Variants in NPY4R2 observed in about 807,000 individuals in gnomAD.
The protein encoded by NPY4R2 is neuropeptide Y receptor Y4-2.
For synonymous variants in NPY4R2, 6 were observed against 115.2 expected (o/e 0.05, Z 6.07); for missense variants, 7 against 268.8 (o/e 0.03, Z 6.81).
upstream of NPY4R2, among the ~76,000 whole-genome samples, chr10:47,916,677 T>C (rs1483589026): frequency 1.2e-4 from 16 of 136,282 alleles, no homozygotes; most frequent in African/African-American, 3.3e-4. Flanking sequence ...AGCTGTTTGC[T>C]GCTTTTACCA....
upstream of NPY4R2, among the ~76,000 whole-genome samples, chr10:47,918,431 AAG>A (rs113496587): frequency 0.16 from 4,648 of 29,794 alleles, 904 homozygotes; most frequent in African/African-American, 0.2. Flanking sequence ...GAAAGAAAGA[AAG>A]AGAGAGAGAA....
upstream of NPY4R2, among the ~76,000 whole-genome samples, chr10:47,918,491 GAGAGACACACGC>G (rs757280542): frequency 5.2e-4 from 22 of 41,954 alleles, 1 homozygote; most frequent in Non-Finnish European, 9.3e-4. Flanking sequence ...AGGTGGGCGT[GAGAGACACACGC>G]AGGCAGGGCT....
At chr10:47,920,936 C>CA (rs1841731983) in intron 2 of NPY4R2, 43 bp downstream of exon 2, 1 of 104,180 alleles carries the variant, frequency 9.6e-6, no homozygotes, top group South Asian at 3.9e-4. Flanking sequence ...GCTTCCCATG[C>CA]AAAACATCCA....
At chr10:47,918,356 G>GGAGAGAGA (rs139901640), upstream of NPY4R2, among the ~76,000 whole-genome samples, 5 of 17,744 alleles carry the variant, frequency 2.8e-4, no homozygotes, top group African/African-American at 1.7e-3. Context: ...GGGGAGGGAG[G>GGAGAGAGA]GAGAGAGAGA....
At chr10:47,915,087 T>C (rs1841141130), upstream of NPY4R2, among the ~76,000 whole-genome samples, 1 of 152,142 alleles carries the variant, frequency 6.6e-6, no homozygotes, top group Non-Finnish European at 1.5e-5. Flanking sequence ...TTCCGGGAGC[T>C]AGCTATATGT....
At chr10:47,916,378 C>G (rs1841112960), upstream of NPY4R2, among the ~76,000 whole-genome samples, 1 of 128,958 alleles carries the variant, frequency 7.8e-6, no homozygotes, top group East Asian at 2.0e-4. Context: ...TCTCCTTTCC[C>G]TAGCAGAGGC....
chr10:47,916,571 TCA>T (rs1262371394), upstream of NPY4R2, among the ~76,000 whole-genome samples: 1 of 131,046 alleles, frequency 7.6e-6, no homozygotes, highest in African/African-American at 2.6e-5. Flanking sequence ...TCTTTGAGGC[TCA>T]GTTTTCTCGC....
At chr10:47,918,415 A>AAGAAAGAAAGAAAGAC (rs1841694640), upstream of NPY4R2, among the ~76,000 whole-genome samples, 4 of 32,020 alleles carry the variant, frequency 1.2e-4, 1 homozygote, top group African/African-American at 7.5e-4. Flanking sequence ...GAAAGAAAGA[A>AAGAAAGAAAGAAAGAC]AGAAAGAAAG....
intron 2 of NPY4R2, among the ~76,000 whole-genome samples, chr10:47,921,191 G>GT (rs1841740478): frequency 1.6e-5 from 2 of 129,014 alleles, no homozygotes; most frequent in African/African-American, 5.6e-5. Flanking sequence ...TGCACATGGT[G>GT]GGTAGTAGGA....
chr10:47,918,387 A>G (rs1436977321), upstream of NPY4R2, among the ~76,000 whole-genome samples: 49 of 13,278 alleles, frequency 3.7e-3, 2 homozygotes, highest in African/African-American at 0.027. Flanking sequence ...GAGAGAGAGA[A>G]AGAAAGAAAG....
upstream of NPY4R2, among the ~76,000 whole-genome samples, chr10:47,916,364 G>C (rs1589087657): frequency 7.7e-6 from 1 of 130,070 alleles, no homozygotes; most frequent in African/African-American, 2.6e-5. Flanking sequence ...TCCAGAGGGT[G>C]CTGTCTCCTT....
chr10:47,918,431 A>AG (rs1841697350), upstream of NPY4R2, among the ~76,000 whole-genome samples: 17 of 31,090 alleles, frequency 5.5e-4, no homozygotes, highest in East Asian at 6.4e-3. Context: ...GAAAGAAAGA[A>AG]AGAGAGAGAG....
At chr10:47,918,356 GGAGAGAGAGAGAGA>G (rs139901640), upstream of NPY4R2, among the ~76,000 whole-genome samples, 5 of 17,744 alleles carry the variant, frequency 2.8e-4, no homozygotes, top group African/African-American at 6.9e-4. Context: ...GGGGAGGGAG[GGAGAGAGAGAGAGA>G]GAGAGAGAGA....
At chr10:47,918,437 GA>G (rs1841015832), upstream of NPY4R2, among the ~76,000 whole-genome samples, 1 of 55,978 alleles carries the variant, frequency 1.8e-5, no homozygotes, top group Non-Finnish European at 3.9e-5. Flanking sequence ...AAGAAAGAGA[GA>G]GAGAAAGACA....
At chr10:47,915,041 C>G (rs1841644534), upstream of NPY4R2, among the ~76,000 whole-genome samples, 1 of 152,210 alleles carries the variant, frequency 6.6e-6, no homozygotes, top group South Asian at 2.1e-4. Context: ...TGTGGCTTCC[C>G]TCTGCTATAG....
intron 2 of NPY4R2, among the ~76,000 whole-genome samples, chr10:47,921,528 T>C (rs1438125857): frequency 1.3e-5 from 2 of 150,824 alleles, no homozygotes; most frequent in Non-Finnish European, 3.0e-5. Flanking sequence ...AACAGCCTCA[T>C]CCTGAGGCCG....
chr10:47,914,973 G>A (rs1490095569), upstream of NPY4R2, among the ~76,000 whole-genome samples: 1 of 152,290 alleles, frequency 6.6e-6, no homozygotes, highest in African/African-American at 2.4e-5. Flanking sequence ...AATGTGTGAG[G>A]ATCTTTGGTT....
upstream of NPY4R2, among the ~76,000 whole-genome samples, chr10:47,918,451 G>C (rs1398587707): frequency 1.2e-4 from 6 of 51,188 alleles, no homozygotes; most frequent in Non-Finnish European, 2.5e-4. Flanking sequence ...GAAAGACAGC[G>C]CAGCTCCAGC....
upstream of NPY4R2, among the ~76,000 whole-genome samples, chr10:47,918,356 G>GGAGAGAGAGA (rs139901640): frequency 5.6e-5 from 1 of 17,744 alleles, no homozygotes; most frequent in African/African-American, 3.5e-4. Context: ...GGGGAGGGAG[G>GGAGAGAGAGA]GAGAGAGAGA....
Sources: gnomAD v4.1 joint callset for allele counts (sites outside exome capture counted in the v4.1 genomes callset) on GRCh38, gnomAD v4.1.1 for gene constraint, MANE v1.5 for transcripts, NCBI Gene and HGNC (gene_info 2026-07-23, HGNC 2026-07-21) for gene names.